HERC2: variants seen among roughly 807,000 people sequenced by gnomAD.
The protein encoded by HERC2 is HECT and RLD domain containing E3 ubiquitin protein ligase 2.
HERC2 carries 102 observed loss-of-function variants against 537.7 expected under a neutral mutation model. That is an observed-to-expected ratio of 0.19 (90% CI 0.16 to 0.22). The LOEUF is 0.22. HERC2 is among the 10% of genes least tolerant of loss of function. The probability of loss-of-function intolerance (pLI) is 1.00; values close to 1 mark genes in which losing one functional copy is unlikely to be tolerated. For missense variants in HERC2, 4,236 were observed against 6,198.2 expected (o/e 0.68, Z 10.63); for synonymous variants, 2,224 against 2,466.2 (o/e 0.90, Z 2.91).
At chr15:28,236,377 G>A (rs182327777) in intron 26 of HERC2, among the ~76,000 whole-genome samples, 210 of 151,652 alleles carry the variant, frequency 1.4e-3, no homozygotes, top group African/African-American at 4.5e-3. Context: ...TGCAACCTCC[G>A]TCTCCTGGGT....
chr15:28,116,060 C>T (rs1021516948), intron 88 of HERC2, among the ~76,000 whole-genome samples: 8 of 152,196 alleles, frequency 5.3e-5, no homozygotes, highest in Non-Finnish European at 1.2e-4. Flanking sequence ...GTCCTCAGCA[C>T]GTGGCCGGGG....
intron 51 of HERC2, 46 bp from the exon 52 acceptor site, chr15:28,196,400 C>T: frequency 6.7e-7 from 1 of 1,488,844 alleles, no homozygotes; most frequent in South Asian, 1.2e-5. Flanking sequence ...ATTTATTAAA[C>T]TTAATTCAAC....
chr15:28,124,323 G>A lies in HERC2; in HGVS notation c.12991-89C>T, dbSNP rs1234910346. ...TCCATTAAGGATTCTGAAAACAATTGTTTCAAATACAGAGAAGCACTATGG... is the reference window on the plus strand; with the variant it reads ...TCCATTAAGGATTCTGAAAACAATTATTTCAAATACAGAGAAGCACTATGG... On this transcript the variant is annotated intron_variant, in intron 84 of 92. Coordinates refer to ENST00000261609, the MANE Select transcript of HERC2 (RefSeq NM_004667.6). 3.5e-6 allele frequency: 3 copies of A among 866,468 alleles called. No homozygotes were observed. The African/African-American group carries it at 5.2e-5, about 15-fold the overall frequency. The allele number at this position is 866,468 out of a possible 1,614,324, so 53.7% of individuals were successfully genotyped here. A position where few individuals can be genotyped will look rare whatever the true frequency, so the allele number is the denominator to read the frequency against.
At chr15:28,175,397 A>C (rs1004052350) in intron 64 of HERC2, 115 bp downstream of exon 64, 10 of 1,019,002 alleles carry the variant, frequency 9.8e-6, no homozygotes, top group Middle Eastern at 2.9e-4. Context: ...CCAAGCAGTA[A>C]GACTCAGCTG....
intron 2 of HERC2, among the ~76,000 whole-genome samples, chr15:28,313,729 T>G (rs2077006829): frequency 6.6e-6 from 1 of 152,130 alleles, no homozygotes; most frequent in South Asian, 2.1e-4. Context: ...AAGAACAGGT[T>G]CCTAGAACAA....
rs1230479791 is a variant in HERC2 at position 28,198,667 on chromosome 15, C to T, written c.7819G>A (p.Val2607Met). Residue 2607 changes from valine (V) to methionine (M), a missense_variant, in exon 49 of 93, where the codon GTG (valine) becomes ATG (methionine). Val to Met is a conservative substitution (Grantham distance 21). Coordinates refer to ENST00000261609, the MANE Select transcript of HERC2 (RefSeq NM_004667.6). The stretch of plus-strand genomic sequence containing the variant: ...CCTTTCTGCTGCCAGTCACACTGCA[C>T]ATTGAGATCATGCAATCCATCTCTG... ...LDRDGLHDLN[V>M]QCDWQQKGGT... is the part of the protein sequence containing the mutation. The T allele has an allele frequency of 6.2e-7, 1 of 1,614,176 alleles. No homozygotes were observed. The highest frequency in any genetic ancestry group is 1.1e-5 in the South Asian group (1 of 91,080).
chr15:28,179,622 G>A (rs1226558327), intron 57 of HERC2, among the ~76,000 whole-genome samples: 1 of 152,004 alleles, frequency 6.6e-6, no homozygotes, highest in Non-Finnish European at 1.5e-5. Flanking sequence ...CTACTTTTTT[G>A]TTTTTTAAGC....
At chr15:28,214,611 C>T (rs768159204) in intron 40 of HERC2, 44 bp downstream of exon 40, 5 of 1,606,392 alleles carry the variant, frequency 3.1e-6, no homozygotes, top group East Asian at 2.2e-5. Context: ...GACGGCACTG[C>T]GCCGCTCTTC....
At chr15:28,211,839 A>C (rs531490370) in intron 43 of HERC2, among the ~76,000 whole-genome samples, 2 of 152,304 alleles carry the variant, frequency 1.3e-5, no homozygotes, top group African/African-American at 4.8e-5. Context: ...TGTGGGAGCA[A>C]GAGGGGAGAA....
intron 78 of HERC2, among the ~76,000 whole-genome samples, chr15:28,139,389 G>A (rs1890964534): frequency 6.6e-6 from 1 of 152,178 alleles, no homozygotes; most frequent in African/African-American, 2.4e-5. Context: ...CTATGGACAC[G>A]TGGCAAAGGG....
At chr15:28,158,316 G>C (rs1893223672) in intron 69 of HERC2, among the ~76,000 whole-genome samples, 1 of 152,204 alleles carries the variant, frequency 6.6e-6, no homozygotes, top group African/African-American at 2.4e-5. Flanking sequence ...TCATGGATCT[G>C]TCTAATGTTG....
chr15:28,310,805 C>T (rs1050468414), intron 2 of HERC2, among the ~76,000 whole-genome samples: 6 of 152,122 alleles, frequency 3.9e-5, no homozygotes, highest in East Asian at 1.9e-4. Flanking sequence ...TGGCCACGCA[C>T]GGTGGCTGAC....
At chr15:28,295,126 C>G (rs2076426961) in intron 3 of HERC2, among the ~76,000 whole-genome samples, 1 of 152,120 alleles carries the variant, frequency 6.6e-6, no homozygotes, top group Admixed American at 6.5e-5. Context: ...CAAGTGCTAA[C>G]AAAGACACAG....
chr15:28,313,468 C>T (rs1205644319), intron 2 of HERC2, among the ~76,000 whole-genome samples: 4 of 150,552 alleles, frequency 2.7e-5, no homozygotes, highest in African/African-American at 7.3e-5. Context: ...GCACCCAGCC[C>T]GTTAAGGCAT....
chr15:28,247,616 G>C (rs554055109), intron 21 of HERC2, among the ~76,000 whole-genome samples: 1 of 152,066 alleles, frequency 6.6e-6, no homozygotes, highest in East Asian at 1.9e-4. Context: ...TTTTAGTAGA[G>C]ACGGGGTTTC....
Position 28,163,070 on chromosome 15 carries a change from G to T in HERC2, c.10746+24C>A, listed in dbSNP as rs768790231. 4 of 1,584,720 alleles carry T rather than the reference G, an allele frequency of 2.5e-6. No homozygotes were observed. The African/African-American group carries it at 5.4e-5, about 21-fold the overall frequency. On this transcript the variant is annotated intron_variant, in intron 69 of 92. Transcript: ENST00000261609. ...CAACATGGAGGAGGTGGAATCAGACGGCCCCGCCCTCCCTGAGACTCACCT... is the reference window on the plus strand; with the variant it reads ...CAACATGGAGGAGGTGGAATCAGACTGCCCCGCCCTCCCTGAGACTCACCT...
At chr15:28,308,357 T>C (rs1486794515) in intron 2 of HERC2, among the ~76,000 whole-genome samples, 1 of 152,236 alleles carries the variant, frequency 6.6e-6, no homozygotes, top group African/African-American at 2.4e-5. Flanking sequence ...TTCATATTGT[T>C]TACTGTTGGC....
At chr15:28,298,340 A>C (rs540125438) in intron 3 of HERC2, among the ~76,000 whole-genome samples, 1 of 147,584 alleles carries the variant, frequency 6.8e-6, no homozygotes, top group African/African-American at 2.5e-5. Context: ...TTTTTAGTAG[A>C]GACGGGGTTT....
intron 23 of HERC2, among the ~76,000 whole-genome samples, chr15:28,240,249 TCTA>T (rs1399521777): frequency 2.6e-5 from 4 of 152,200 alleles, no homozygotes; most frequent in Middle Eastern, 3.4e-3. Flanking sequence ...AAACCCCATC[TCTA>T]CTAAAAATAC....
Sources: allele counts gnomAD v4.1 joint callset (sites outside exome capture counted in the v4.1 genomes callset), GRCh38; gene constraint gnomAD v4.1.1; transcripts MANE v1.5; gene names NCBI Gene and HGNC (gene_info 2026-07-23, HGNC 2026-07-21).